SIDT1: variants seen among roughly 807,000 people sequenced by gnomAD.
The protein encoded by SIDT1 is SID1 transmembrane family, member 1.
SIDT1 carries 101 observed loss-of-function variants against 107.5 expected under a neutral mutation model. That is an observed-to-expected ratio of 0.94 (90% CI 0.80 to 1.11). SIDT1 has a LOEUF of 1.11. Among genes scored for constraint, SIDT1 ranks in the 50% least tolerant of loss-of-function variants. The pLI, the probability that SIDT1 is intolerant of heterozygous loss-of-function variation, is 0.00. For missense variants in SIDT1, 1,076 were observed against 1,058.2 expected, an observed-to-expected ratio of 1.02 and a Z score of -0.23; for synonymous variants, 395 against 398.2, an observed-to-expected ratio of 0.99 and a Z score of 0.10.
Position 113,628,335 on chromosome 3 carries a change from TCA to T in SIDT1, c.*632_*633del, listed in dbSNP as rs1946986030. The T allele has an allele frequency of 1.3e-5, 2 of 153,070 alleles. No homozygotes were observed. Among genetic ancestry groups the T allele is most frequent in the Non-Finnish European group, 2.9e-5 (2 of 68,412 alleles). 9.5% of individuals were successfully genotyped at this position (153,070 alleles called of 1,614,324 possible). A position where few individuals can be genotyped will look rare whatever the true frequency, so the allele number is the denominator to read the frequency against. On this transcript the variant is annotated 3_prime_UTR_variant, in exon 25 of 25. Coordinates refer to ENST00000264852, the MANE Select transcript of SIDT1 (RefSeq NM_017699.3). ...CAGAAGGGCTCAGGAGTGGGGTTTG[TCA>T]CACATTCCTCTTAACAAGTAACTGT...
intron 3 of SIDT1, among the ~76,000 whole-genome samples, chr3:113,571,598 A>G (rs1942462441): frequency 6.6e-6 from 1 of 152,148 alleles, no homozygotes; most frequent in African/African-American, 2.4e-5. Flanking sequence ...GCAACAGCAG[A>G]TGGCTACAGA....
intron 9 of SIDT1, among the ~76,000 whole-genome samples, chr3:113,589,084 A>T (rs74538129): frequency 1.2e-4 from 18 of 152,220 alleles, no homozygotes; most frequent in Non-Finnish European, 2.4e-4. Context: ...CCTCTTGAAG[A>T]TGCAGATTCG....
At chr3:113,553,182 T>C (rs1006640679) in intron 1 of SIDT1, among the ~76,000 whole-genome samples, 3 of 152,194 alleles carry the variant, frequency 2.0e-5, no homozygotes, top group Non-Finnish European at 4.4e-5. Flanking sequence ...CTCTTAAACA[T>C]GGCCTTCCCT....
intron 2 of SIDT1, among the ~76,000 whole-genome samples, 193 bp downstream of exon 2, chr3:113,566,734 C>T (rs1203286686): frequency 1.3e-5 from 2 of 152,280 alleles, no homozygotes; most frequent in African/African-American, 4.8e-5. Flanking sequence ...TAGATGAGCA[C>T]TCTACCTAGA....
intron 1 of SIDT1, among the ~76,000 whole-genome samples, chr3:113,542,925 TGTGTGTGTGTG>T (rs1560009438): frequency 6.6e-6 from 1 of 151,306 alleles, no homozygotes; most frequent in African/African-American, 2.4e-5. Context: ...TGTGTGTGTG[TGTGTGTGTGTG>T]TGTTTGTTTG....
chr3:113,604,395 A>T (rs867216184), intron 13 of SIDT1, among the ~76,000 whole-genome samples: 1 of 152,180 alleles, frequency 6.6e-6, no homozygotes, highest in Non-Finnish European at 1.5e-5. Flanking sequence ...TCATAGTGGG[A>T]CCATCAGTTT....
chr3:113,634,055 G>A (rs986253804), downstream of SIDT1, among the ~76,000 whole-genome samples: 1 of 152,148 alleles, frequency 6.6e-6, no homozygotes, highest in African/African-American at 2.4e-5. Flanking sequence ...TATAACTGAT[G>A]ACCTCAAATT....
intron 4 of SIDT1, among the ~76,000 whole-genome samples, chr3:113,578,340 G>C (rs1218016892): frequency 6.6e-6 from 1 of 151,978 alleles, no homozygotes; most frequent in Non-Finnish European, 1.5e-5. Flanking sequence ...GGTGGCGGGC[G>C]CCTGTGGTCC....
At position 113,628,960 on chromosome 3, in the gene SIDT1, G is replaced by GTGT. The variant is rs1477838574; in HGVS notation, c.*1252_*1253insTGT. The GTGT allele has an allele frequency of 9.2e-5, 14 of 152,202 alleles. No individual in the cohort carries two copies. Among genetic ancestry groups the GTGT allele is most frequent in the Non-Finnish European group, 1.9e-4 (13 of 68,048 alleles). The allele number at this position is 152,202 out of a possible 1,614,324, so 9.4% of individuals were successfully genotyped here. Reference sequence around the variant, plus strand: ...GGTTCCACTCTCACACTGTCTGGCAGCTCTGTGTCTGAGAAGTTCTACATT... The same window carrying GTGT: ...GGTTCCACTCTCACACTGTCTGGCAGTGTCTCTGTGTCTGAGAAGTTCTACATT... On this transcript the variant is annotated 3_prime_UTR_variant, in exon 25 of 25. Coordinates refer to ENST00000264852, the MANE Select transcript of SIDT1 (RefSeq NM_017699.3).
chr3:113,608,382 A>C (rs950274519), intron 16 of SIDT1, 37 bp from the exon 17 acceptor site: 1 of 1,555,630 alleles, frequency 6.4e-7, no homozygotes, highest in Non-Finnish European at 8.9e-7. Flanking sequence ...ATATGGCACT[A>C]TTTAGTATCT....
In SIDT1 at chr3:113,550,236, A is replaced by G. The variant is rs141583740; in HGVS notation, c.223-16184A>G. Reference sequence around the variant, plus strand: ...TTTGTCTTTCAAATTTCTTATGAACATGGTCAGCCCATCAAGATTCTCCCT... The same window carrying G: ...TTTGTCTTTCAAATTTCTTATGAACGTGGTCAGCCCATCAAGATTCTCCCT... On this transcript the variant is annotated intron_variant, in intron 1 of 24. Transcript: ENST00000264852. Among the ~76,000 whole-genome samples, 318 of 152,258 alleles carry G rather than the reference A, an allele frequency of 2.1e-3. 1 individual carries two copies. The highest frequency in any genetic ancestry group is 2.8e-3 in the Admixed American group (43 of 15,292).
intron 10 of SIDT1, among the ~76,000 whole-genome samples, chr3:113,597,298 A>G (rs929486859): frequency 1.1e-4 from 16 of 152,092 alleles, no homozygotes; most frequent in African/African-American, 3.6e-4. Context: ...GCAGATTGAG[A>G]CCATCCTGGC....
At chr3:113,538,009 C>T (rs1262261271) in intron 1 of SIDT1, among the ~76,000 whole-genome samples, 1 of 152,186 alleles carries the variant, frequency 6.6e-6, no homozygotes, top group Non-Finnish European at 1.5e-5. Context: ...TCTCAAACTC[C>T]TGGCCTCACG....
chr3:113,610,082 T>C (rs1002456435), intron 17 of SIDT1, among the ~76,000 whole-genome samples: 1 of 152,256 alleles, frequency 6.6e-6, no homozygotes, highest in Non-Finnish European at 1.5e-5. Context: ...CAAGGACATG[T>C]AGTGCATTCA....
chr3:113,559,255 T>C (rs1168000173), intron 1 of SIDT1, among the ~76,000 whole-genome samples: 1 of 152,238 alleles, frequency 6.6e-6, no homozygotes, highest in Non-Finnish European at 1.5e-5. Flanking sequence ...CTGTAGTAGA[T>C]ATTGGCAACT....
chr3:113,544,432 C>T (rs1448225771), intron 1 of SIDT1, among the ~76,000 whole-genome samples: 1 of 152,092 alleles, frequency 6.6e-6, no homozygotes, highest in Non-Finnish European at 1.5e-5. Flanking sequence ...CCTTGTGATC[C>T]ACCCAGCTCG....
chr3:113,591,502 G>C (rs113061232), intron 9 of SIDT1, among the ~76,000 whole-genome samples: 49 of 151,948 alleles, frequency 3.2e-4, no homozygotes, highest in African/African-American at 1.1e-3. Context: ...AAAGAAGAAC[G>C]TTAAAGGATT....
chr3:113,559,806 G>A (rs541342287), intron 1 of SIDT1, among the ~76,000 whole-genome samples: 10 of 151,872 alleles, frequency 6.6e-5, no homozygotes, highest in African/African-American at 1.2e-4. Flanking sequence ...TTTCTTATGC[G>A]TTTTAAGGGT....
At chr3:113,588,593 T>G (rs1221977075) in intron 9 of SIDT1, among the ~76,000 whole-genome samples, 1 of 152,158 alleles carries the variant, frequency 6.6e-6, no homozygotes, top group African/African-American at 2.4e-5. Flanking sequence ...AACTAAACAC[T>G]ATTCCCTTCC....
Sources: gnomAD v4.1 joint callset for allele counts (sites outside exome capture counted in the v4.1 genomes callset) on GRCh38, gnomAD v4.1.1 for gene constraint, MANE v1.5 for transcripts, NCBI Gene and HGNC (gene_info 2026-07-23, HGNC 2026-07-21) for gene names.